FUBP3: variants seen among roughly 807,000 people sequenced by gnomAD.
FUBP3 encodes the protein far upstream element-binding protein 3.
FUBP3 carries 28 observed loss-of-function variants against 85.6 expected under a neutral mutation model. That is an observed-to-expected ratio of 0.33 (90% CI 0.24 to 0.45). FUBP3 has a LOEUF of 0.45. FUBP3 is among the 20% of genes least tolerant of loss of function. The probability of loss-of-function intolerance (pLI) is 1.00; values close to 1 mark genes in which losing one functional copy is unlikely to be tolerated. For synonymous variants in FUBP3, 271 were observed against 271.4 expected (o/e 1.00, Z 0.01); for missense variants, 583 against 755.1 (o/e 0.77, Z 2.67).
intron 1 of FUBP3, among the ~76,000 whole-genome samples, chr9:130,588,573 A>G (rs145943636): frequency 6.6e-6 from 1 of 152,306 alleles, no homozygotes; most frequent in East Asian, 1.9e-4. Context: ...TGCACCCGGC[A>G]TTGTTTCTAG....
chr9:130,621,770 T>C (rs955970881), intron 9 of FUBP3, among the ~76,000 whole-genome samples: 2 of 151,718 alleles, frequency 1.3e-5, no homozygotes, highest in African/African-American at 4.8e-5. Context: ...CCGGGTGTGG[T>C]GACGCGTGCC....
At chr9:130,629,235 G>T (rs1174853428) in intron 12 of FUBP3, among the ~76,000 whole-genome samples, 1 of 152,202 alleles carries the variant, frequency 6.6e-6, no homozygotes, top group Non-Finnish European at 1.5e-5. Context: ...TGCTGGCCCG[G>T]TGTCCCCAGA....
intron 11 of FUBP3, among the ~76,000 whole-genome samples, chr9:130,625,688 C>T (rs1829942454): frequency 6.6e-6 from 1 of 152,202 alleles, no homozygotes; most frequent in African/African-American, 2.4e-5. Flanking sequence ...TTTCTCTCTG[C>T]TGGGTGAACA....
chr9:130,631,893 C>T (rs1048222350), intron 14 of FUBP3, 49 bp from the exon 15 acceptor site: 1 of 1,368,838 alleles, frequency 7.3e-7, no homozygotes, highest in African/African-American at 1.4e-5. Flanking sequence ...AGGGGACGAG[C>T]CCTCTGTTGT....
At chr9:130,634,821 CTT>C in intron 17 of FUBP3, 83 bp downstream of exon 17, 2 of 1,048,248 alleles carry the variant, frequency 1.9e-6, no homozygotes, top group Non-Finnish European at 2.9e-6. Context: ...ACTGTCACCT[CTT>C]TTTTCCCTAA....
chr9:130,588,794 C>T lies in FUBP3; in HGVS notation c.85-6689C>T, dbSNP rs555602395. On this transcript the variant is annotated intron_variant, in intron 1 of 18. Transcript: ENST00000319725. Reference sequence around the variant, plus strand: ...GATGCAGGACTGGGACCTGCCCCTGCGGCCCATGACTCCAAACCTGTCTTA... The same window carrying T: ...GATGCAGGACTGGGACCTGCCCCTGTGGCCCATGACTCCAAACCTGTCTTA... Among the ~76,000 whole-genome samples, 26 of 152,310 alleles carry T rather than the reference C, an allele frequency of 1.7e-4. No individual in the cohort carries two copies. In the South Asian group the frequency reaches 3.5e-3, roughly 21 times the overall value.
intron 1 of FUBP3, among the ~76,000 whole-genome samples, chr9:130,591,009 G>GTTTTTTTTTTT (rs905903196): frequency 2.4e-5 from 2 of 82,364 alleles, no homozygotes; most frequent in African/African-American, 4.7e-5. Context: ...GTTTTTGTTT[G>GTTTTTTTTTTT]TTTTTGTTTT....
intron 3 of FUBP3, among the ~76,000 whole-genome samples, chr9:130,610,736 C>G (rs1831701559): frequency 6.6e-6 from 1 of 152,162 alleles, no homozygotes; most frequent in African/African-American, 2.4e-5. Context: ...CTTCTATCAG[C>G]AAAACAATTC....
chr9:130,590,940 T>C (rs1830595930), intron 1 of FUBP3, among the ~76,000 whole-genome samples: 1 of 152,192 alleles, frequency 6.6e-6, no homozygotes, highest in African/African-American at 2.4e-5. Context: ...ACCATTTACT[T>C]GGACTCCAGA....
intron 12 of FUBP3, among the ~76,000 whole-genome samples, chr9:130,630,093 G>A (rs1830151808): frequency 6.6e-6 from 1 of 152,232 alleles, no homozygotes; most frequent in African/African-American, 2.4e-5. Flanking sequence ...CTTGAGAAGT[G>A]ACAGGGTGGG....
chr9:130,594,922 G>A lies in FUBP3; in HGVS notation c.85-561G>A, dbSNP rs577351444. 2.7e-5 allele frequency among the ~76,000 whole-genome samples: 4 copies of A among 146,944 alleles called. No individual in the cohort carries two copies. The South Asian group carries it at 8.5e-4, about 31-fold the overall frequency. ...ATGGGATGTGCCTATATATTAAGTG[G>A]TGACTTAAAAATACTAATTTGCGGC... On this transcript the variant is annotated intron_variant, in intron 1 of 18. Coordinates refer to ENST00000319725, the MANE Select transcript of FUBP3 (RefSeq NM_003934.2).
At chr9:130,636,811 C>G (rs1830438075) in intron 18 of FUBP3, among the ~76,000 whole-genome samples, 1 of 152,114 alleles carries the variant, frequency 6.6e-6, no homozygotes, top group African/African-American at 2.4e-5. Flanking sequence ...GGTGTCAGGG[C>G]TGGTGGTGAT....
intron 1 of FUBP3, among the ~76,000 whole-genome samples, chr9:130,587,055 G>GTTTTT (rs369585277): frequency 8.4e-6 from 1 of 119,368 alleles, no homozygotes; most frequent in Non-Finnish European, 1.7e-5. Flanking sequence ...GGCGTTTTTT[G>GTTTTT]TTTTTTTTTT....
rs1228277689 is a variant in FUBP3, at chr9:130,637,073, C to T, written c.*51C>T. On this transcript the variant is annotated 3_prime_UTR_variant, in exon 19 of 19. Coordinates refer to ENST00000319725, the MANE Select transcript of FUBP3 (RefSeq NM_003934.2). Reference sequence around the variant, plus strand: ...CCCTCAAAATCATTGTCAAAGAAAACCTATTTGTAACAGAGGTTTTTACAT... The same window carrying T: ...CCCTCAAAATCATTGTCAAAGAAAATCTATTTGTAACAGAGGTTTTTACAT... The T allele has an allele frequency of 2.0e-6, 3 of 1,520,692 alleles. No homozygotes were observed. The highest frequency in any genetic ancestry group is 2.7e-6 in the Non-Finnish European group (3 of 1,095,028). 94.2% of individuals were successfully genotyped at this position (1,520,692 alleles called of 1,614,324 possible). A position where few individuals can be genotyped will look rare whatever the true frequency, so the allele number is the denominator to read the frequency against.
intron 2 of FUBP3, among the ~76,000 whole-genome samples, chr9:130,609,153 A>G (rs1477807988): frequency 1.3e-5 from 2 of 152,202 alleles, no homozygotes; most frequent in East Asian, 3.8e-4. Context: ...GAGAAACACT[A>G]CAGAATCATT....
intron 1 of FUBP3, among the ~76,000 whole-genome samples, chr9:130,589,451 C>A (rs12353042): frequency 6.6e-6 from 1 of 150,654 alleles, no homozygotes; most frequent in Non-Finnish European, 1.5e-5. Flanking sequence ...TCAAGCAATT[C>A]TTCTGCCTCA....
intron 2 of FUBP3, among the ~76,000 whole-genome samples, chr9:130,606,508 G>A (rs1243973421): frequency 6.6e-6 from 1 of 152,112 alleles, no homozygotes; most frequent in African/African-American, 2.4e-5. Flanking sequence ...TGCTGGGGTG[G>A]GAGTGGGGGT....
intron 1 of FUBP3, among the ~76,000 whole-genome samples, chr9:130,589,673 GTGTATATATATA>G (rs1487175755): frequency 7.8e-4 from 22 of 28,350 alleles, no homozygotes; most frequent in African/African-American, 2.5e-3. Context: ...ATGTATGTGT[GTGTATATATATA>G]TATATATATA....
At chr9:130,613,115 G>A in intron 5 of FUBP3, 88 bp downstream of exon 5, 1 of 805,024 alleles carries the variant, frequency 1.2e-6, no homozygotes, top group Non-Finnish European at 2.1e-6. Context: ...TTGTTGCTTG[G>A]GTAAGTATAT....
Sources: gnomAD v4.1 joint callset for allele counts (sites outside exome capture counted in the v4.1 genomes callset) on GRCh38, gnomAD v4.1.1 for gene constraint, MANE v1.5 for transcripts, NCBI Gene and HGNC (gene_info 2026-07-23, HGNC 2026-07-21) for gene names.